The following DIAPH2 variants were observed in gnomAD, a reference collection of about 807,000 sequenced individuals.
DIAPH2 encodes diaphanous related formin 2, also known as protein diaphanous homolog 2.
In DIAPH2, 35 loss-of-function variants were observed where a neutral mutation model predicts 92.7. The ratio of observed to expected loss-of-function variants is 0.38; its 90% CI spans 0.29 to 0.50. The LOEUF (loss-of-function observed/expected upper bound fraction) is 0.50. DIAPH2 is among the 20% of genes least tolerant of loss of function. The pLI, the probability that DIAPH2 is intolerant of heterozygous loss-of-function variation, is 0.94. For missense variants in DIAPH2, 701 were observed against 819.5 expected, an observed-to-expected ratio of 0.86 and a Z score of 1.77; for synonymous variants, 301 against 280.4, an observed-to-expected ratio of 1.07 and a Z score of -0.73.
chrX:96,894,843 T>C (rs2065332020), intron 5 of DIAPH2, among the ~76,000 whole-genome samples: 1 of 111,160 alleles, frequency 9.0e-6, no homozygotes, highest in African/African-American at 3.3e-5. Context: ...ATAGTTTGAT[T>C]CAAGTATTCA....
At chrX:97,547,186 C>A (rs1363879965) in intron 26 of DIAPH2, among the ~76,000 whole-genome samples, 1 of 111,390 alleles carries the variant, frequency 9.0e-6, no homozygotes, top group Admixed American at 9.6e-5. Flanking sequence ...GATGCCTCAC[C>A]TTTTCTCCCT....
Position 96,854,616 on chromosome X carries a change from TATATATA to T in DIAPH2, c.448-26962_448-26956del, listed in dbSNP as rs1384703009. Among the ~76,000 whole-genome samples the T allele has an allele frequency of 7.3e-5, 5 of 68,752 alleles. 1 individual carries two copies. The highest frequency in any genetic ancestry group is 6.4e-4 in the Admixed American group (4 of 6,250). The allele number at this position is 68,752 out of a possible 115,157, so 59.7% of individuals were successfully genotyped here. ...TCTCTCTCATATATATATATATATA[TATATATA>T]TATATATATATATATATATCCATCT... is the stretch of plus-strand genomic sequence containing the variant. On this transcript the variant is annotated intron_variant, in intron 4 of 26. Coordinates refer to ENST00000324765, the MANE Select transcript of DIAPH2 (RefSeq NM_006729.5).
At chrX:97,465,636 G>T (rs2070505400) in intron 26 of DIAPH2, among the ~76,000 whole-genome samples, 1 of 111,468 alleles carries the variant, frequency 9.0e-6, no homozygotes, top group Non-Finnish European at 1.9e-5. Context: ...ATTCCTCATG[G>T]ATACCTAGGG....
At chrX:97,245,903 CTTT>C (rs748187119) in intron 22 of DIAPH2, among the ~76,000 whole-genome samples, 3 of 98,005 alleles carry the variant, frequency 3.1e-5, no homozygotes, top group Non-Finnish European at 2.1e-5. Flanking sequence ...TTTGTCTTCA[CTTT>C]TTTTTTTTTT....
chrX:97,185,805 TA>T (rs1473621776), intron 22 of DIAPH2, among the ~76,000 whole-genome samples: 96 of 108,755 alleles, frequency 8.8e-4, no homozygotes, highest in Non-Finnish European at 1.6e-3. Flanking sequence ...TTATTTAACC[TA>T]ATGCTTCAAA....
At chrX:96,956,100 G>A (rs1044496140) in intron 15 of DIAPH2, among the ~76,000 whole-genome samples, 16 of 112,750 alleles carry the variant, frequency 1.4e-4, no homozygotes, top group African/African-American at 1.9e-4. Flanking sequence ...ACATCCAGGC[G>A]TTTTCATACA....
chrX:97,292,176 AT>A (rs2068597387), intron 23 of DIAPH2, among the ~76,000 whole-genome samples: 1 of 107,122 alleles, frequency 9.3e-6, no homozygotes, highest in African/African-American at 3.4e-5. Flanking sequence ...CCACAGGTGC[AT>A]GACACCACAC....
At chrX:96,870,217 G>A (rs1265455350) in intron 4 of DIAPH2, among the ~76,000 whole-genome samples, 1 of 110,987 alleles carries the variant, frequency 9.0e-6, no homozygotes, top group African/African-American at 3.3e-5. Flanking sequence ...TGCAGGAAAA[G>A]TTGTGAAAGC....
chrX:97,284,582 C>T (rs1320932635), intron 23 of DIAPH2, among the ~76,000 whole-genome samples: 1 of 103,151 alleles, frequency 9.7e-6, no homozygotes, highest in Non-Finnish European at 2.0e-5. Context: ...TGTACTTCAG[C>T]GTGGGCAACA....
chrX:97,192,262 C>T (rs772546832), intron 22 of DIAPH2, among the ~76,000 whole-genome samples: 78 of 98,028 alleles, frequency 8.0e-4, no homozygotes, highest in African/African-American at 3.0e-3. Flanking sequence ...CCACTGCACT[C>T]CAGCCTGGGC....
chrX:96,803,478 T>G (rs2064599944), intron 4 of DIAPH2, among the ~76,000 whole-genome samples: 1 of 111,502 alleles, frequency 9.0e-6, no homozygotes. Context: ...TGATAAAGAA[T>G]CTCCACAGCG....
At chrX:97,072,177 G>A in intron 17 of DIAPH2, among the ~76,000 whole-genome samples, 1 of 111,553 alleles carries the variant, frequency 9.0e-6, no homozygotes, top group East Asian at 2.8e-4. Context: ...TTTTGGGCCG[G>A]CCTACTTGGG....
At chrX:97,269,596 A>C (rs1473145938) in intron 23 of DIAPH2, among the ~76,000 whole-genome samples, 1 of 111,942 alleles carries the variant, frequency 8.9e-6, no homozygotes, top group Non-Finnish European at 1.9e-5. Flanking sequence ...TCCTAGATAC[A>C]GAGATTCCTT....
intron 17 of DIAPH2, among the ~76,000 whole-genome samples, chrX:96,977,341 G>A (rs755034669): frequency 2.0e-4 from 22 of 111,606 alleles, no homozygotes; most frequent in African/African-American, 5.9e-4. Flanking sequence ...AAACGTTGCC[G>A]TGACTTGAAG....
intron 5 of DIAPH2, among the ~76,000 whole-genome samples, chrX:96,888,918 T>G (rs2065288585): frequency 9.1e-6 from 1 of 110,240 alleles, no homozygotes; most frequent in Non-Finnish European, 1.9e-5. Flanking sequence ...ACAACTGGTT[T>G]GTACAGTGTC....
intron 26 of DIAPH2, among the ~76,000 whole-genome samples, chrX:97,445,446 C>T (rs972801706): frequency 1.8e-5 from 2 of 108,330 alleles, no homozygotes; most frequent in Non-Finnish European, 1.9e-5. Context: ...GAAGGAGTCT[C>T]GCTCTGTTGC....
At chrX:97,166,918 TCA>T (rs1167527859) in intron 22 of DIAPH2, among the ~76,000 whole-genome samples, 1 of 112,447 alleles carries the variant, frequency 8.9e-6, no homozygotes, top group African/African-American at 3.2e-5. Context: ...CTACTTTTCC[TCA>T]GTTTTGAATC....
chrX:96,800,675 G>A (rs2064576024), intron 4 of DIAPH2, among the ~76,000 whole-genome samples: 1 of 111,927 alleles, frequency 8.9e-6, no homozygotes, highest in Non-Finnish European at 1.9e-5. Context: ...ATGGTTGATC[G>A]TCAGTGAGAG....
chrX:96,945,655 C>A, intron 14 of DIAPH2, 64 bp downstream of exon 14: 3 of 793,699 alleles, frequency 3.8e-6, no homozygotes, highest in Non-Finnish European at 5.2e-6. Flanking sequence ...AATACTCTAC[C>A]TTCTTTATTA....
Sources: gnomAD v4.1 joint callset for allele counts (sites outside exome capture counted in the v4.1 genomes callset) on GRCh38, gnomAD v4.1.1 for gene constraint, MANE v1.5 for transcripts, NCBI Gene and HGNC (gene_info 2026-07-23, HGNC 2026-07-21) for gene names.